TAFA1: variants seen among roughly 807,000 people sequenced by gnomAD.
The protein encoded by TAFA1 is chemokine-like protein TAFA-1.
Under a neutral mutation model 18.5 loss-of-function variants are expected in TAFA1, and 4 were observed. The ratio of observed to expected loss-of-function variants is 0.22; its 90% CI spans 0.11 to 0.49. The LOEUF (loss-of-function observed/expected upper bound fraction) is 0.49. Among genes scored for constraint, TAFA1 ranks in the 20% least tolerant of loss-of-function variants. The pLI, the probability that TAFA1 is intolerant of heterozygous loss-of-function variation, is 0.98. For missense variants in TAFA1, 147 were observed against 169.0 expected, an observed-to-expected ratio of 0.87 and a Z score of 0.72; for synonymous variants, 56 against 55.2, an observed-to-expected ratio of 1.01 and a Z score of -0.06.
At chr3:68,353,139 G>A (rs544096935) in intron 2 of TAFA1, among the ~76,000 whole-genome samples, 1 of 151,954 alleles carries the variant, frequency 6.6e-6, no homozygotes, top group Non-Finnish European at 1.5e-5. Flanking sequence ...GCTCTCCACT[G>A]GGCTGGAATT....
chr3:68,282,501 A>T (rs756927987), intron 2 of TAFA1, among the ~76,000 whole-genome samples: 3 of 152,146 alleles, frequency 2.0e-5, no homozygotes, highest in African/African-American at 7.2e-5. Context: ...AGAGCTTTCA[A>T]GGTTCCCCAG....
intron 2 of TAFA1, among the ~76,000 whole-genome samples, chr3:68,402,136 T>C (rs2070506212): frequency 6.6e-6 from 1 of 152,186 alleles, no homozygotes; most frequent in Non-Finnish European, 1.5e-5. Context: ...AGTTTGAAAT[T>C]AGTGAGCATG....
At chr3:68,425,611 A>G (rs1185457966) in intron 3 of TAFA1, among the ~76,000 whole-genome samples, 1 of 151,964 alleles carries the variant, frequency 6.6e-6, no homozygotes, top group African/African-American at 2.4e-5. Flanking sequence ...AAGAGGAATG[A>G]GAGGATGAAT....
At chr3:68,324,649 CA>C (rs1420490219) in intron 2 of TAFA1, among the ~76,000 whole-genome samples, 1 of 152,114 alleles carries the variant, frequency 6.6e-6, no homozygotes, top group African/African-American at 2.4e-5. Context: ...TTACGAAACA[CA>C]AAGGTCACAT....
At chr3:68,081,648 T>C (rs7617730) in intron 2 of TAFA1, among the ~76,000 whole-genome samples, 146,676 of 152,262 alleles carry the variant, frequency 0.96, 70,669 homozygotes, top group South Asian at 0.97. Flanking sequence ...CAGGGACCCA[T>C]TTGAGGAGGC....
chr3:68,414,775 G>A (rs754021308), intron 2 of TAFA1, among the ~76,000 whole-genome samples: 1 of 152,156 alleles, frequency 6.6e-6, no homozygotes, highest in Admixed American at 6.6e-5. Flanking sequence ...TAACTCAGGC[G>A]ATCTGGCTTG....
Position 68,027,803 on chromosome 3 carries a change from T to C in TAFA1, c.118+21059T>C, listed in dbSNP as rs906522160. 1.2e-4 allele frequency among the ~76,000 whole-genome samples: 19 copies of C among 152,226 alleles called. 2 individuals are homozygous for C. Among genetic ancestry groups the C allele is most frequent in the Admixed American group, 1.2e-3 (18 of 15,284 alleles). On this transcript the variant is annotated intron_variant, in intron 2 of 4. Transcript: ENST00000478136. Reference sequence around the variant, plus strand: ...ATATTAACTAGTGTTCTCAGCTTAATGTTTTTGAATGAATAAAGAAACCTA... The same window carrying C: ...ATATTAACTAGTGTTCTCAGCTTAACGTTTTTGAATGAATAAAGAAACCTA...
At chr3:68,375,979 A>T (rs2069805784) in intron 2 of TAFA1, among the ~76,000 whole-genome samples, 1 of 152,220 alleles carries the variant, frequency 6.6e-6, no homozygotes, top group African/African-American at 2.4e-5. Flanking sequence ...GTTTTTAAGA[A>T]CCATCTCCTA....
chr3:68,417,578 T>C lies in TAFA1; in HGVS notation c.259+158T>C, dbSNP rs566161205. ...CCAGCCTCAGCAGAGTTTGAATTCT[T>C]TTTTCTCTGGTGCTATTATTTGAAT... On this transcript the variant is annotated intron_variant, in intron 3 of 4. Transcript: ENST00000478136. 2.9e-5 allele frequency: 20 copies of C among 691,342 alleles called. No individual in the cohort carries two copies. In the South Asian group the frequency reaches 4.2e-4, roughly 14 times the overall value. 42.8% of individuals were successfully genotyped at this position (691,342 alleles called of 1,614,324 possible).
chr3:68,226,350 A>C (rs1396204530), intron 2 of TAFA1, among the ~76,000 whole-genome samples: 4 of 152,206 alleles, frequency 2.6e-5, no homozygotes, highest in Non-Finnish European at 2.9e-5. Flanking sequence ...GTTTTCCACC[A>C]CTGTGCTTCA....
At chr3:68,226,394 A>G (rs2066800544) in intron 2 of TAFA1, among the ~76,000 whole-genome samples, 1 of 152,226 alleles carries the variant, frequency 6.6e-6, no homozygotes, top group South Asian at 2.1e-4. Flanking sequence ...TTTCTTAGGG[A>G]CATCATTTTA....
intron 2 of TAFA1, among the ~76,000 whole-genome samples, chr3:68,381,065 A>T: frequency 1.4e-5 from 1 of 72,116 alleles, no homozygotes; most frequent in Non-Finnish European, 2.8e-5. Context: ...GGTTTGTCAA[A>T]GACCAGATAG....
At position 68,019,430 on chromosome 3, in the gene TAFA1, G is replaced by T. The variant is rs542725791; in HGVS notation, c.118+12686G>T. Among the ~76,000 whole-genome samples, 138 of 152,250 alleles carry T rather than the reference G, an allele frequency of 9.1e-4. 1 individual carries two copies. The highest frequency in any genetic ancestry group is 1.7e-3 in the Non-Finnish European group (116 of 68,020). ...GGATAAATCTACATTTATTAGACTT[G>T]CTCTTAGTGTAGATTTTTTGGTTTA... On this transcript the variant is annotated intron_variant, in intron 2 of 4. Coordinates refer to ENST00000478136, the MANE Select transcript of TAFA1 (RefSeq NM_213609.4).
At chr3:68,350,328 T>C (rs1299118828) in intron 2 of TAFA1, among the ~76,000 whole-genome samples, 1 of 152,114 alleles carries the variant, frequency 6.6e-6, no homozygotes, top group Non-Finnish European at 1.5e-5. Context: ...GCTGTTCTTA[T>C]TTAATTATGT....
chr3:68,208,556 T>G (rs551667885), intron 2 of TAFA1, among the ~76,000 whole-genome samples: 1 of 152,126 alleles, frequency 6.6e-6, no homozygotes, highest in South Asian at 2.1e-4. Context: ...GGACTGGCTC[T>G]AACATAGAGC....
At chr3:68,355,839 T>C (rs914547586) in intron 2 of TAFA1, among the ~76,000 whole-genome samples, 2 of 151,998 alleles carry the variant, frequency 1.3e-5, no homozygotes, top group South Asian at 2.1e-4. Context: ...CTGTCACTTA[T>C]GGTGTTCAGG....
intron 3 of TAFA1, among the ~76,000 whole-genome samples, chr3:68,517,704 C>T (rs1318943088): frequency 6.6e-6 from 1 of 152,102 alleles, no homozygotes; most frequent in Non-Finnish European, 1.5e-5. Flanking sequence ...AACTATGGCC[C>T]AGGAGGAGAC....
intron 3 of TAFA1, among the ~76,000 whole-genome samples, chr3:68,484,680 G>T (rs574815619): frequency 6.6e-6 from 1 of 152,264 alleles, no homozygotes; most frequent in African/African-American, 2.4e-5. Context: ...TAAATGGAGT[G>T]ATTCTGTCCC....
intron 2 of TAFA1, among the ~76,000 whole-genome samples, chr3:68,337,350 A>C (rs2106744534): frequency 6.6e-6 from 1 of 151,934 alleles, no homozygotes; most frequent in South Asian, 2.1e-4. Context: ...ATCTCATGAG[A>C]CCTCACTTAC....
Sources: gnomAD v4.1 joint callset for allele counts (sites outside exome capture counted in the v4.1 genomes callset) on GRCh38, gnomAD v4.1.1 for gene constraint, MANE v1.5 for transcripts, NCBI Gene and HGNC (gene_info 2026-07-23, HGNC 2026-07-21) for gene names.